The following CLN8 variants were observed in gnomAD, a reference collection of about 807,000 sequenced individuals.
CLN8 encodes the protein protein CLN8.
A neutral mutation model predicts 15.7 loss-of-function variants in CLN8; 14 were observed. The ratio of observed to expected loss-of-function variants is 0.89; its 90% CI spans 0.59 to 1.39. The LOEUF (loss-of-function observed/expected upper bound fraction) is 1.39. Among genes scored for constraint, CLN8 ranks in the 40% most tolerant of loss-of-function variants. The probability of loss-of-function intolerance (pLI) is 0.00; values close to 1 mark genes in which losing one functional copy is unlikely to be tolerated. For synonymous variants in CLN8, 188 were observed against 151.0 expected, an observed-to-expected ratio of 1.25 and a Z score of -1.80; for missense variants, 415 against 364.0, an observed-to-expected ratio of 1.14 and a Z score of -1.14.
At chr8:1,755,397 G>C (rs762736347), upstream of CLN8, among the ~76,000 whole-genome samples, 16 of 152,124 alleles carry the variant, frequency 1.1e-4, no homozygotes, top group Non-Finnish European at 1.8e-4. Flanking sequence ...TCACTGGCAT[G>C]GAGCTGTAGT....
Position 1,781,875 on chromosome 8 carries a change from A to C in CLN8, c.*1308A>C, listed in dbSNP as rs911909344. The C allele has an allele frequency of 1.3e-5, 2 of 152,132 alleles. No individual in the cohort carries two copies. Among genetic ancestry groups the C allele is most frequent in the Non-Finnish European group, 2.9e-5 (2 of 68,082 alleles). 9.4% of individuals were successfully genotyped at this position (152,132 alleles called of 1,614,324 possible). ...ATGAGCTGCCTGATGATGAGTCCCA[A>C]GGTACATTGTTCTACTGTTTTATAC... On this transcript the variant is annotated 3_prime_UTR_variant, in exon 3 of 3. Coordinates refer to ENST00000331222, the MANE Select transcript of CLN8 (RefSeq NM_018941.4).
At position 1,784,866 on chromosome 8, in the gene CLN8, G is replaced by A. The variant is rs1801790892; in HGVS notation, c.*4299G>A. The A allele has an allele frequency of 6.6e-6, 1 of 152,402 alleles. No individual in the cohort carries two copies. Among genetic ancestry groups the A allele is most frequent in the Non-Finnish European group, 1.5e-5 (1 of 68,202 alleles). 9.4% of individuals were successfully genotyped at this position (152,402 alleles called of 1,614,324 possible). Reference sequence around the variant, plus strand: ...GGCTGCCTGGCAAGACCAGCGGCTGGAGGTGATGTCCTCAGTAGAGAACGG... The same window carrying A: ...GGCTGCCTGGCAAGACCAGCGGCTGAAGGTGATGTCCTCAGTAGAGAACGG... On this transcript the variant is annotated 3_prime_UTR_variant, in exon 3 of 3. Coordinates refer to ENST00000331222, the MANE Select transcript of CLN8 (RefSeq NM_018941.4).
At chr8:1,777,757 G>A (rs1410547115) in intron 2 of CLN8, among the ~76,000 whole-genome samples, 1 of 152,138 alleles carries the variant, frequency 6.6e-6, no homozygotes, top group Non-Finnish European at 1.5e-5. Context: ...TAACAGACAT[G>A]GGGCTGCTAC....
chr8:1,781,027 A>C lies in CLN8; in HGVS notation c.*460A>C. 1 of 168,238 alleles carries C rather than the reference A, an allele frequency of 5.9e-6. No individual in the cohort carries two copies. Among genetic ancestry groups the C allele is most frequent in the Non-Finnish European group, 1.3e-5 (1 of 77,836 alleles). The allele number at this position is 168,238 out of a possible 1,614,324, so 10.4% of individuals were successfully genotyped here. On this transcript the variant is annotated 3_prime_UTR_variant, in exon 3 of 3. Transcript: ENST00000331222. Reference sequence around the variant, plus strand: ...AGAGAATTGGGCTAAGATAGAAAATAACATGATTTGTTCCTTATTAAAGCT... The same window carrying C: ...AGAGAATTGGGCTAAGATAGAAAATCACATGATTTGTTCCTTATTAAAGCT...
At position 1,771,480 on chromosome 8, in the gene CLN8, C is replaced by A. The variant is rs1354416712; in HGVS notation, c.426C>A (p.Ala142=). The A allele has an allele frequency of 6.2e-7, 1 of 1,614,198 alleles. No individual in the cohort carries two copies. Among genetic ancestry groups the A allele is most frequent in the South Asian group, 1.1e-5 (1 of 91,090 alleles). Residue 142 remains alanine (A), a synonymous_variant, in exon 2 of 3, where the codon GCC becomes GCA. Transcript: ENST00000331222. ...TTCTGGTTATCCACCATCTCTTTGCCTTTCTTGGGTTTCTTGGCTGCTTGG... is the reference window on the plus strand; with the variant it reads ...TTCTGGTTATCCACCATCTCTTTGCATTTCTTGGGTTTCTTGGCTGCTTGG... ...DLFLVIHHLF[A]FLGFLGCLVN...
In CLN8 at chr8:1,784,470, G is replaced by A. The variant is rs1428657011; in HGVS notation, c.*3903G>A. On this transcript the variant is annotated 3_prime_UTR_variant, in exon 3 of 3. Transcript: ENST00000331222. The stretch of plus-strand genomic sequence containing the variant: ...ATGAGGCATTAAGCCATTTGCAAGA[G>A]TAGGGGGCCCCACCTCTTAATACCA... The A allele has an allele frequency of 6.6e-6, 1 of 152,236 alleles. No homozygotes were observed. Among genetic ancestry groups the A allele is most frequent in the Non-Finnish European group, 1.5e-5 (1 of 68,078 alleles). 9.4% of individuals were successfully genotyped at this position (152,236 alleles called of 1,614,324 possible).
At chr8:1,768,333 C>G (rs1801150232) in intron 1 of CLN8, among the ~76,000 whole-genome samples, 1 of 152,176 alleles carries the variant, frequency 6.6e-6, no homozygotes, top group African/African-American at 2.4e-5. Context: ...TTCTCATGTC[C>G]TGGAGTCCCT....
intron 2 of CLN8, chr8:1,774,039 G>C (rs1801417181): frequency 6.6e-6 from 1 of 152,186 alleles, no homozygotes; most frequent in East Asian, 1.9e-4. Context: ...AGAAAGACGT[G>C]AGTCTTTCTG....
At chr8:1,772,692 C>T (rs1258736370) in intron 2 of CLN8, among the ~76,000 whole-genome samples, 1 of 152,182 alleles carries the variant, frequency 6.6e-6, no homozygotes, top group Middle Eastern at 3.4e-3. Context: ...GTTGGCCAGG[C>T]TGGTCTTGAA....
intron 2 of CLN8, among the ~76,000 whole-genome samples, chr8:1,775,507 T>G (rs1801477849): frequency 6.6e-6 from 1 of 152,258 alleles, no homozygotes; most frequent in Non-Finnish European, 1.5e-5. Context: ...AGTGCCTTAG[T>G]AAAACCAAAG....
Position 1,780,581 on chromosome 8 carries a change from G to T in CLN8, c.*14G>T, listed in dbSNP as rs551042352. On this transcript the variant is annotated 3_prime_UTR_variant, in exon 3 of 3. Coordinates refer to ENST00000331222, the MANE Select transcript of CLN8 (RefSeq NM_018941.4). The stretch of plus-strand genomic sequence containing the variant: ...AAGAGGCCATAGCTGCTCCAGCCGG[G>T]GCTCCGGGGCGGCAGCAGAGCTGGC... 4 of 1,610,746 alleles carry T rather than the reference G, an allele frequency of 2.5e-6. No individual in the cohort carries two copies. The African/African-American group carries it at 5.3e-5, about 21-fold the overall frequency.
At position 1,770,924 on chromosome 8, in the gene CLN8, T is replaced by C; in HGVS notation, c.-123-8T>C. On this transcript the variant is annotated splice_region_variant and splice_polypyrimidine_tract_variant and intron_variant, in intron 1 of 2. Coordinates refer to ENST00000331222, the MANE Select transcript of CLN8 (RefSeq NM_018941.4). ...GAGTCAACACAAAATGAATGATCTT[T>C]CTTTTAGATTGAAGATGGATACGTG... is the stretch of plus-strand genomic sequence containing the variant. The C allele has an allele frequency of 1.2e-6, 1 of 804,434 alleles. No individual in the cohort carries two copies. The allele number at this position is 804,434 out of a possible 1,614,324, so 49.8% of individuals were successfully genotyped here. A position where few individuals can be genotyped will look rare whatever the true frequency, so the allele number is the denominator to read the frequency against.
At chr8:1,767,468 T>C (rs1345881459) in intron 1 of CLN8, among the ~76,000 whole-genome samples, 1 of 152,052 alleles carries the variant, frequency 6.6e-6, no homozygotes, top group Non-Finnish European at 1.5e-5. Flanking sequence ...CTTGAAGACC[T>C]GGTAGCTATT....
upstream of CLN8, among the ~76,000 whole-genome samples, chr8:1,761,732 T>C (rs546996284): frequency 6.6e-6 from 1 of 152,362 alleles, no homozygotes; most frequent in African/African-American, 2.4e-5. Context: ...AGCTGTCCTC[T>C]TGGCCTGAGC....
At chr8:1,755,230 T>C (rs1800640610), upstream of CLN8, among the ~76,000 whole-genome samples, 2 of 152,208 alleles carry the variant, frequency 1.3e-5, no homozygotes, top group African/African-American at 4.8e-5. Context: ...CAACCTGACA[T>C]AGACTAACAG....
rs1801786228 is a variant in CLN8 at position 1,784,662 on chromosome 8, C to G, written c.*4095C>G. 1 of 152,452 alleles carries G rather than the reference C, an allele frequency of 6.6e-6. No homozygotes were observed. Among genetic ancestry groups the G allele is most frequent in the Non-Finnish European group, 1.5e-5 (1 of 68,242 alleles). 9.4% of individuals were successfully genotyped at this position (152,452 alleles called of 1,614,324 possible). On this transcript the variant is annotated 3_prime_UTR_variant, in exon 3 of 3. Coordinates refer to ENST00000331222, the MANE Select transcript of CLN8 (RefSeq NM_018941.4). ...CTGATTGATTCTAAGCCCCATGTCC[C>G]TGGCACAGGATGGCTGCTTGGCAGT...
intron 2 of CLN8, among the ~76,000 whole-genome samples, chr8:1,775,686 G>T (rs983030629): frequency 6.6e-6 from 1 of 152,224 alleles, no homozygotes; most frequent in African/African-American, 2.4e-5. Context: ...CTGAGCTCGC[G>T]AGAGTCTGGG....
chr8:1,776,623 G>A (rs923358136), intron 2 of CLN8, among the ~76,000 whole-genome samples: 3 of 152,244 alleles, frequency 2.0e-5, no homozygotes, highest in African/African-American at 4.8e-5. Context: ...AAGGAGCATT[G>A]TCTTTCCTTT....
rs1284963632 is a variant in CLN8 at position 1,758,590 on chromosome 8, G to A, written c.-124+2508G>A. ...GTATCGTATTTCAAAATTCGGCTTT[G>A]TCATTTAGCAGTGTGTGGAGGTGTA... On this transcript the variant is annotated intron_variant, in intron 1 of 1. Coordinates refer to the CLN8 transcript ENST00000524258. 2.0e-5 allele frequency: 3 copies of A among 152,178 alleles called. No individual in the cohort carries two copies. In the East Asian group the frequency reaches 5.8e-4, roughly 29 times the overall value. 9.4% of individuals were successfully genotyped at this position (152,178 alleles called of 1,614,324 possible).
Sources: gnomAD v4.1 joint callset for allele counts (sites outside exome capture counted in the v4.1 genomes callset) on GRCh38, gnomAD v4.1.1 for gene constraint, MANE v1.5 for transcripts, NCBI Gene and HGNC (gene_info 2026-07-23, HGNC 2026-07-21) for gene names.